The following GSN variants were observed in gnomAD, a reference collection of about 807,000 sequenced individuals.
The protein encoded by GSN is actin-depolymerizing factor.
GSN carries 56 observed loss-of-function variants against 85.7 expected under a neutral mutation model. The observed-to-expected ratio is 0.65, with a 90% CI of 0.53 to 0.82. The LOEUF is 0.82. Ranked by LOEUF, GSN falls within the 40% of genes least tolerant of loss-of-function variation. The probability of loss-of-function intolerance (pLI) is 0.00; values close to 1 mark genes in which losing one functional copy is unlikely to be tolerated. For synonymous variants in GSN, 373 were observed against 399.1 expected (o/e 0.93, Z 0.78); for missense variants, 857 against 979.8 (o/e 0.87, Z 1.67).
At chr9:121,285,559 AATC>A (rs1236475381) in intron 2 of GSN, 1 of 163,948 alleles carries the variant, frequency 6.1e-6, no homozygotes, top group Non-Finnish European at 1.5e-5. Context: ...AAAAATTATT[AATC>A]TTGGACATCA....
Position 121,299,782 on chromosome 9 carries a change from G to T in GSN, c.-9-2181G>T. On this transcript the variant is annotated intron_variant, in intron 2 of 17. Coordinates refer to ENST00000432226, the MANE Select transcript of GSN (RefSeq NM_198252.3). The surrounding 1 kb of genome is among the most constrained non-coding windows in gnomAD (Gnocchi z 4.2). ...CCCTGGGGGGCGGTCCCCGGCTTGG[G>T]CGGGATGGGCGGGCGGCTACTTAAG... is the stretch of plus-strand genomic sequence containing the variant. 1 of 1,230,822 alleles carries T rather than the reference G, an allele frequency of 8.1e-7. No homozygotes were observed. Among genetic ancestry groups the T allele is most frequent in the South Asian group, 2.2e-5 (1 of 45,896 alleles). 76.2% of individuals were successfully genotyped at this position (1,230,822 alleles called of 1,614,324 possible).
At position 121,210,607 on chromosome 9, in the gene GSN, A is replaced by G. The variant is rs151148670; in HGVS notation, c.-611-177A>G. Among the ~76,000 whole-genome samples, 56 of 152,230 alleles carry G rather than the reference A, an allele frequency of 3.7e-4. No homozygotes were observed. In the East Asian group the frequency reaches 0.011, roughly 29 times the overall value. ...TCCTCTGTGAAATGGAGATACCAGC[A>G]CCCGTCCTGTGAACCTTACAGAGAA... is the stretch of plus-strand genomic sequence containing the variant. On this transcript the variant is annotated intron_variant, in intron 3 of 24. Transcript: ENST00000373823.
intron 4 of GSN, among the ~76,000 whole-genome samples, chr9:121,224,212 T>C (rs1460314499): frequency 2.6e-5 from 4 of 152,040 alleles, no homozygotes; most frequent in African/African-American, 9.7e-5. Context: ...TTCTCCTGCC[T>C]CAGCCTCCCG....
At chr9:121,260,409 AT>A (rs978820108) in intron 6 of GSN, among the ~76,000 whole-genome samples, 1 of 152,232 alleles carries the variant, frequency 6.6e-6, no homozygotes, top group African/African-American at 2.4e-5. Context: ...TGCACTGTGC[AT>A]TTTTGAAGAC....
In GSN at chr9:121,329,575, C is replaced by T. The variant is rs1323069524; in HGVS notation, c.1965+260C>T. Among the ~76,000 whole-genome samples, 2 of 152,336 alleles carry T rather than the reference C, an allele frequency of 1.3e-5. No homozygotes were observed. Among genetic ancestry groups the T allele is most frequent in the East Asian group, 3.9e-4 (2 of 5,188 alleles). On this transcript the variant is annotated intron_variant, in intron 16 of 17. Coordinates refer to ENST00000432226, the MANE Select transcript of GSN (RefSeq NM_198252.3). This position sits in a 1 kb window ranked among gnomAD's most constrained non-coding sequence, Gnocchi z 4.6. Reference sequence around the variant, plus strand: ...GCCCTATAAAGGCAAATCACATGACCTTCATCATTCTCTCCCAGACCTTGC... The same window carrying T: ...GCCCTATAAAGGCAAATCACATGACTTTCATCATTCTCTCCCAGACCTTGC...
chr9:121,205,659 C>T (rs1177098858), upstream of GSN, among the ~76,000 whole-genome samples: 1 of 152,110 alleles, frequency 6.6e-6, no homozygotes, highest in East Asian at 1.9e-4. Flanking sequence ...CACAAGCTAA[C>T]CATCTGCTGG....
chr9:121,216,137 G>A (rs1564335024), intron 4 of GSN, among the ~76,000 whole-genome samples: 2 of 151,964 alleles, frequency 1.3e-5, no homozygotes, highest in Admixed American at 1.3e-4. Flanking sequence ...TAGTAGAGAC[G>A]GGTTTTTGCC....
chr9:121,248,418 T>C (rs78573713), intron 6 of GSN: 5,784 of 152,448 alleles, frequency 0.038, 310 homozygotes, highest in Admixed American at 0.14. Flanking sequence ...TTCCCTTCCT[T>C]CACTTCCCTT....
At chr9:121,277,048 A>C (rs897159860) in intron 1 of GSN, among the ~76,000 whole-genome samples, 2 of 150,838 alleles carry the variant, frequency 1.3e-5, no homozygotes, top group Admixed American at 1.3e-4. Context: ...CCCTGCCCCC[A>C]CCCCTCCATA....
intron 4 of GSN, among the ~76,000 whole-genome samples, chr9:121,214,155 A>C (rs1459398162): frequency 6.6e-6 from 1 of 152,120 alleles, no homozygotes; most frequent in African/African-American, 2.4e-5. Flanking sequence ...AGAAAATGCT[A>C]GTTCTTTTTT....
intron 8 of GSN, 140 bp downstream of exon 8, chr9:121,317,358 G>T: frequency 1.1e-6 from 1 of 950,618 alleles, no homozygotes; most frequent in Non-Finnish European, 1.7e-6. Context: ...CTGAGGCCTT[G>T]GTTTTGCATT....
In GSN at chr9:121,261,703, C is replaced by T. The variant is rs2055088995; in HGVS notation, c.-340-3451C>T. On this transcript the variant is annotated intron_variant, in intron 6 of 24. Coordinates refer to the GSN transcript ENST00000373823. This position sits in a 1 kb window ranked among gnomAD's most constrained non-coding sequence, Gnocchi z 4.1. ...GTAACTCAGTGGATGTACCCTGTAT[C>T]CCTGACACACTGGCTCAAGCTCATT... is the stretch of plus-strand genomic sequence containing the variant. Among the ~76,000 whole-genome samples the T allele has an allele frequency of 6.6e-6, 1 of 152,188 alleles. No homozygotes were observed. The highest frequency in any genetic ancestry group is 2.4e-5 in the African/African-American group (1 of 41,450).
intron 4 of GSN, among the ~76,000 whole-genome samples, chr9:121,211,479 C>T (rs1281301526): frequency 6.6e-6 from 1 of 152,148 alleles, no homozygotes; most frequent in East Asian, 1.9e-4. Flanking sequence ...TAGGTGATGG[C>T]ATTTTAGTAG....
intron 8 of GSN, chr9:121,317,845 G>A (rs917184791): frequency 5.3e-6 from 1 of 188,294 alleles, no homozygotes; most frequent in Non-Finnish European, 1.1e-5. Context: ...AAAGGGAGAC[G>A]GTGGGGAGAA....
chr9:121,252,261 G>A (rs1371847895), intron 6 of GSN, among the ~76,000 whole-genome samples: 1 of 152,138 alleles, frequency 6.6e-6, no homozygotes, highest in East Asian at 1.9e-4. Flanking sequence ...GTAGAAAAAG[G>A]GCATTATATG....
chr9:121,324,751 GTCCATCCATCCATCCA>G lies in GSN; in HGVS notation c.1416+137_1416+152del, dbSNP rs57419831. 400 of 679,640 alleles carry G rather than the reference GTCCATCCATCCATCCA, an allele frequency of 5.9e-4. 1 individual carries two copies. The Middle Eastern group carries it at 0.013, about 23-fold the overall frequency. The allele number at this position is 679,640 out of a possible 1,614,324, so 42.1% of individuals were successfully genotyped here. A position where few individuals can be genotyped will look rare whatever the true frequency, so the allele number is the denominator to read the frequency against. On this transcript the variant is annotated intron_variant, in intron 12 of 17. Transcript: ENST00000432226. ...CATTCGTTTGTCCATCTGTCTGTCT[GTCCATCCATCCATCCA>G]TCCATCCATCCATCCATCCATCCAT... is the stretch of plus-strand genomic sequence containing the variant.
intron 2 of GSN, among the ~76,000 whole-genome samples, chr9:121,287,988 G>A (rs905286428): frequency 1.3e-5 from 2 of 152,024 alleles, no homozygotes; most frequent in East Asian, 1.9e-4. Context: ...GTGCAGTGGC[G>A]TGATCTCTGC....
At chr9:121,235,265 G>A (rs1215837172) in intron 5 of GSN, among the ~76,000 whole-genome samples, 4 of 152,222 alleles carry the variant, frequency 2.6e-5, no homozygotes, top group Non-Finnish European at 5.9e-5. Flanking sequence ...CTCAAGACGT[G>A]AGCTTGTCCT....
intron 11 of GSN, among the ~76,000 whole-genome samples, chr9:121,324,348 G>C (rs1418358287): frequency 1.3e-5 from 2 of 152,238 alleles, no homozygotes; most frequent in Non-Finnish European, 2.9e-5. Context: ...GTTGCACTAA[G>C]ATCTCTGTAA....
Sources: gnomAD v4.1 joint callset for allele counts (sites outside exome capture counted in the v4.1 genomes callset) on GRCh38, gnomAD v4.1.1 for gene constraint, Gnocchi (gnomAD v3.1) non-coding constraint, MANE v1.5 for transcripts, NCBI Gene and HGNC (gene_info 2026-07-23, HGNC 2026-07-21) for gene names.